Variants in SLC6A6 observed in about 807,000 individuals in gnomAD.
SLC6A6 encodes solute carrier family 6 member 6, also known as sodium- and chloride-dependent taurine transporter.
In SLC6A6, 16 loss-of-function variants were observed where a neutral mutation model predicts 68.8. That is an observed-to-expected ratio of 0.23 (90% CI 0.16 to 0.35). The LOEUF is 0.35. Among genes scored for constraint, SLC6A6 ranks in the 10% least tolerant of loss-of-function variants. The pLI is 1.00. For synonymous variants in SLC6A6, 312 were observed against 315.4 expected (o/e 0.99, Z 0.12); for missense variants, 474 against 802.8 (o/e 0.59, Z 4.95).
chr3:14,426,448 T>C (rs905255444), intron 2 of SLC6A6, among the ~76,000 whole-genome samples: 1 of 152,220 alleles, frequency 6.6e-6, no homozygotes, highest in Admixed American at 6.5e-5. Flanking sequence ...GGCCACGAGG[T>C]TGGAGGATTT....
At chr3:14,427,331 C>T (rs922659570) in intron 2 of SLC6A6, among the ~76,000 whole-genome samples, 3 of 152,164 alleles carry the variant, frequency 2.0e-5, no homozygotes, top group Non-Finnish European at 4.4e-5. Context: ...GGATCGCCAT[C>T]CACCCTGTGA....
intron 6 of SLC6A6, among the ~76,000 whole-genome samples, chr3:14,462,504 C>T (rs900522379): frequency 1.3e-5 from 2 of 152,126 alleles, no homozygotes; most frequent in South Asian, 4.1e-4. Flanking sequence ...CCGAGACCAA[C>T]CTGGTCAACA....
chr3:14,438,125 G>A lies in SLC6A6; in HGVS notation c.-11-5499G>A, dbSNP rs191388800. ...CTCCCAAAGTGCTGGAATTACAGGC[G>A]TGAGCCACCACGCCTGGCCCACTTT... is the stretch of plus-strand genomic sequence containing the variant. On this transcript the variant is annotated intron_variant, in intron 2 of 14. Transcript: ENST00000622186. Among the ~76,000 whole-genome samples the A allele has an allele frequency of 5.3e-3, 804 of 151,678 alleles. 2 individuals are homozygous for A. The highest frequency in any genetic ancestry group is 8.2e-3 in the Non-Finnish European group (554 of 67,948).
intron 2 of SLC6A6, among the ~76,000 whole-genome samples, chr3:14,430,950 G>A (rs1270518457): frequency 1.3e-5 from 2 of 152,214 alleles, no homozygotes; most frequent in Non-Finnish European, 2.9e-5. Context: ...GGATGTGGAC[G>A]TGCCAAGACC....
intron 1 of SLC6A6, among the ~76,000 whole-genome samples, chr3:14,416,123 G>A (rs1699358116): frequency 6.6e-6 from 1 of 152,176 alleles, no homozygotes; most frequent in Admixed American, 6.5e-5. Flanking sequence ...TCCCATGTGG[G>A]TCTGTGTGTG....
chr3:14,454,248 CCT>C (rs1473921239), intron 5 of SLC6A6, among the ~76,000 whole-genome samples: 4 of 151,254 alleles, frequency 2.6e-5, no homozygotes, highest in African/African-American at 9.8e-5. Flanking sequence ...TGGAAATCAT[CCT>C]GGGGGCGTCA....
At chr3:14,423,490 G>C (rs1026028689) in intron 2 of SLC6A6, among the ~76,000 whole-genome samples, 2 of 152,178 alleles carry the variant, frequency 1.3e-5, no homozygotes, top group Non-Finnish European at 1.5e-5. Flanking sequence ...TCATGAGCCT[G>C]TCTGCCTCCA....
intron 2 of SLC6A6, among the ~76,000 whole-genome samples, chr3:14,435,351 G>A (rs1477608863): frequency 1.3e-5 from 2 of 152,188 alleles, no homozygotes; most frequent in Non-Finnish European, 2.9e-5. Flanking sequence ...GGAGGTCGGG[G>A]GTCTCTGAGG....
intron 5 of SLC6A6, 70 bp downstream of exon 5, chr3:14,447,886 T>A: frequency 6.3e-7 from 1 of 1,578,590 alleles, no homozygotes; most frequent in Non-Finnish European, 8.6e-7. Context: ...CTTCCTTATC[T>A]CCTCCCCTGG....
rs778643450 is a variant in SLC6A6 at position 14,477,180 on chromosome 3, C to A, written c.1210-25C>A. On this transcript the variant is annotated intron_variant, in intron 10 of 14. Coordinates refer to ENST00000622186, the MANE Select transcript of SLC6A6 (RefSeq NM_003043.6). This position sits in a 1 kb window ranked among gnomAD's most constrained non-coding sequence, Gnocchi z 4.2. ...GGTGGCCTGAGCGTCAGCCGCTCAC[C>A]AGCTCTCTCTCTTCCCCTCCTCAGT... is the stretch of plus-strand genomic sequence containing the variant. The A allele has an allele frequency of 3.7e-6, 6 of 1,602,566 alleles. No homozygotes were observed. Among genetic ancestry groups the A allele is most frequent in the South Asian group, 2.2e-5 (2 of 90,578 alleles).
In SLC6A6 at chr3:14,481,595, G is replaced by T; in HGVS notation, c.1552-76G>T. On this transcript the variant is annotated intron_variant, in intron 13 of 14. Transcript: ENST00000622186. This position sits in a 1 kb window ranked among gnomAD's most constrained non-coding sequence, Gnocchi z 4.7. ...AGAGAGACCCTTCCCTCAGGTTGAG[G>T]CCAGTCCTAGTCCCAGAAGCCCCCC... The T allele has an allele frequency of 1.0e-6, 1 of 988,804 alleles. No homozygotes were observed. The highest frequency in any genetic ancestry group is 2.4e-5 in the East Asian group (1 of 41,216). 61.3% of individuals were successfully genotyped at this position (988,804 alleles called of 1,614,324 possible).
chr3:14,428,710 G>T (rs1038009505), intron 2 of SLC6A6, among the ~76,000 whole-genome samples: 5 of 152,194 alleles, frequency 3.3e-5, no homozygotes, highest in African/African-American at 1.2e-4. Flanking sequence ...GAGCAGTTCT[G>T]AACCACAGTC....
At chr3:14,479,221 C>G (rs1428459229) in intron 13 of SLC6A6, 36 bp downstream of exon 13, 1 of 1,278,154 alleles carries the variant, frequency 7.8e-7, no homozygotes, top group Non-Finnish European at 1.1e-6. Context: ...CTGGTGGCCT[C>G]TTCTCCCTGG....
At chr3:14,408,847 C>T (rs889176894) in intron 1 of SLC6A6, among the ~76,000 whole-genome samples, 2 of 151,814 alleles carry the variant, frequency 1.3e-5, no homozygotes, top group Non-Finnish European at 2.9e-5. Flanking sequence ...CGCTCTGTCG[C>T]CCAGGCTGGA....
intron 4 of SLC6A6, among the ~76,000 whole-genome samples, chr3:14,446,429 G>GGCTGAAAGACTACCTATGGCATAC (rs1700122405): frequency 6.6e-6 from 1 of 152,174 alleles, no homozygotes; most frequent in Non-Finnish European, 1.5e-5. Context: ...GGGGAGCAAG[G>GGCTGAAAGACTACCTATGGCATAC]GCTGAAAGAC....
intron 2 of SLC6A6, among the ~76,000 whole-genome samples, chr3:14,423,012 C>G (rs1163345735): frequency 6.6e-6 from 1 of 152,168 alleles, no homozygotes; most frequent in Non-Finnish European, 1.5e-5. Flanking sequence ...GATGAGGAAT[C>G]CAAGACTGGG....
chr3:14,478,332 A>G, intron 11 of SLC6A6, 134 bp from the exon 12 acceptor site: 1 of 668,240 alleles, frequency 1.5e-6, no homozygotes, highest in Non-Finnish European at 2.7e-6. Context: ...TTGTATATTT[A>G]TCTGGTCATC....
rs531478509 is a variant in SLC6A6, at chr3:14,477,410, G to A, written c.1347+68G>A. ...TGCCCTCCTCAAGGCCATAGTGGAG[G>A]CAGCAGCTGGGTGAGAGGGCCAGGT... On this transcript the variant is annotated intron_variant, in intron 11 of 14. Coordinates refer to ENST00000622186, the MANE Select transcript of SLC6A6 (RefSeq NM_003043.6). This position sits in a 1 kb window ranked among gnomAD's most constrained non-coding sequence, Gnocchi z 4.2. 15 of 1,526,872 alleles carry A rather than the reference G, an allele frequency of 9.8e-6. No homozygotes were observed. Among genetic ancestry groups the A allele is most frequent in the Middle Eastern group, 1.8e-4 (1 of 5,676 alleles). 94.6% of individuals were successfully genotyped at this position (1,526,872 alleles called of 1,614,324 possible).
At chr3:14,459,875 A>G (rs1662700211) in intron 6 of SLC6A6, among the ~76,000 whole-genome samples, 1 of 107,570 alleles carries the variant, frequency 9.3e-6, no homozygotes, top group Non-Finnish European at 1.9e-5. Flanking sequence ...GTAAATGCTA[A>G]TTCTCTTCTT....
Sources: gnomAD v4.1 joint callset for allele counts (sites outside exome capture counted in the v4.1 genomes callset) on GRCh38, gnomAD v4.1.1 for gene constraint, Gnocchi (gnomAD v3.1) non-coding constraint, MANE v1.5 for transcripts, NCBI Gene and HGNC (gene_info 2026-07-23, HGNC 2026-07-21) for gene names.